Variants in ZNF761 observed in about 807,000 individuals in gnomAD.
ZNF761 encodes zinc finger protein 761.
A neutral mutation model predicts 59.9 loss-of-function variants in ZNF761; 43 were observed. That is an observed-to-expected ratio of 0.72 (90% CI 0.56 to 0.92). The LOEUF is 0.92. Among genes scored for constraint, ZNF761 ranks in the 40% least tolerant of loss-of-function variants. The pLI is 0.00. For missense variants in ZNF761, 850 were observed against 906.1 expected (o/e 0.94, Z 0.79); for synonymous variants, 294 against 304.8 (o/e 0.96, Z 0.37).
chr19:53,452,413 G>T (rs1181813202), intron 4 of ZNF761, among the ~76,000 whole-genome samples: 1 of 152,114 alleles, frequency 6.6e-6, no homozygotes. Context: ...AACCTGGGAG[G>T]TGGAGGTTGC....
At position 53,455,663 on chromosome 19, in the gene ZNF761, G is replaced by A. The variant is rs1336344471; in HGVS notation, c.1156G>A (p.Glu386Lys). 8 of 1,613,592 alleles carry A rather than the reference G, an allele frequency of 5.0e-6. No individual in the cohort carries two copies. In the East Asian group the frequency reaches 8.9e-5, roughly 18 times the overall value. The change falls in exon 5 of 5, where the codon GAG (glutamate) becomes AAG (lysine). Residue 386 changes from glutamate to lysine, a missense_variant. Coordinates refer to ENST00000684525, the MANE Select transcript of ZNF761 (RefSeq NM_001289951.2). ...HTGEKPYKCN[E>K]CGKTFSHKSS... ...TGGAGAGAAACCCTACAAATGTAAT[G>A]AGTGTGGCAAGACCTTTAGTCACAA...
intron 2 of ZNF761, among the ~76,000 whole-genome samples, chr19:53,446,959 C>T (rs1218264601): frequency 7.4e-6 from 1 of 135,050 alleles, no homozygotes; most frequent in Non-Finnish European, 1.6e-5. Flanking sequence ...TCTAGGGACC[C>T]AGGGCTGGGT....
rs769043804 is a variant in ZNF761 at position 53,456,473 on chromosome 19, C to A, written c.1966C>A (p.His656Asn). 2.5e-6 allele frequency: 4 copies of A among 1,613,856 alleles called. No individual in the cohort carries two copies. The Admixed American group carries it at 6.7e-5, about 27-fold the overall frequency. The change falls in exon 5 of 5, where the codon CAT becomes AAT. Residue 656 changes from histidine to asparagine, a missense_variant. Physicochemically the swap from His to Asn is moderately conservative, Grantham distance 68 (BLOSUM62 1). Transcript: ENST00000684525. ...KSNLEGHRRIHTGEKPYKCNE... is the reference protein window; with the variant it reads ...KSNLEGHRRINTGEKPYKCNE... ...AAACCTTGAAGGACATAGGAGAATT[C>A]ATACTGGAGAGAAACCTTACAAGTG...
chr19:53,433,028 G>A (rs77469212), intron 1 of ZNF761, among the ~76,000 whole-genome samples: 7,537 of 137,410 alleles, frequency 0.055, 213 homozygotes, highest in Middle Eastern at 0.14. Context: ...GATCTGGGGT[G>A]CTAGAGAGTG....
intron 1 of ZNF761, chr19:53,442,249 C>T (rs2086108628): frequency 7.8e-7 from 1 of 1,276,534 alleles, no homozygotes; most frequent in African/African-American, 1.4e-5. Context: ...GAAGAGGTGG[C>T]TCGTAAGTTG....
At chr19:53,437,567 G>T (rs11880076) in intron 1 of ZNF761, among the ~76,000 whole-genome samples, 2 of 152,170 alleles carry the variant, frequency 1.3e-5, no homozygotes, top group South Asian at 4.1e-4. Flanking sequence ...CATAGCTAAG[G>T]CTTCCTCTTT....
chr19:53,455,152 C>A lies in ZNF761; in HGVS notation c.645C>A (p.Phe215Leu), dbSNP rs770592412. 7.4e-6 allele frequency: 12 copies of A among 1,614,048 alleles called. No homozygotes were observed. Among genetic ancestry groups the A allele is most frequent in the Non-Finnish European group, 1.0e-5 (12 of 1,180,042 alleles). Reference sequence around the variant, plus strand: ...AAGTACACATGAGAGAAAAATCTTTCCAATGTAATGAGAGTGGCAAAGCCT... The same window carrying A: ...AAGTACACATGAGAGAAAAATCTTTACAATGTAATGAGAGTGGCAAAGCCT... ...KQEVHMREKSFQCNESGKAFN... is the reference protein window; with the variant it reads ...KQEVHMREKSLQCNESGKAFN... The change falls in exon 5 of 5, where the codon TTC becomes TTA. Residue 215 changes from phenylalanine to leucine, a missense_variant. Phe to Leu is a conservative substitution (Grantham distance 22, BLOSUM62 0). Coordinates refer to ENST00000684525, the MANE Select transcript of ZNF761 (RefSeq NM_001289951.2).
Position 53,456,807 on chromosome 19 carries a change from A to G in ZNF761, c.*59A>G, listed in dbSNP as rs2086276973. 2 of 1,560,272 alleles carry G rather than the reference A, an allele frequency of 1.3e-6. No homozygotes were observed. Among genetic ancestry groups the G allele is most frequent in the Non-Finnish European group, 1.8e-6 (2 of 1,136,598 alleles). ...CCTTGCAGGTCATCATAGAATTCAT[A>G]CTGGGGAGAAACCTTAGAAATGTGA... On this transcript the variant is annotated 3_prime_UTR_variant, in exon 5 of 5. Transcript: ENST00000684525.
At chr19:53,441,046 C>T (rs530313909) in intron 1 of ZNF761, among the ~76,000 whole-genome samples, 2 of 152,182 alleles carry the variant, frequency 1.3e-5, no homozygotes, top group African/African-American at 4.8e-5. Context: ...CTTTGGGAGA[C>T]AGAGGCGAGT....
chr19:53,455,075 A>G lies in ZNF761; in HGVS notation c.568A>G (p.Asn190Asp), dbSNP rs776458701. 1.2e-6 allele frequency: 2 copies of G among 1,614,042 alleles called. No homozygotes were observed. Among genetic ancestry groups the G allele is most frequent in the African/African-American group, 1.3e-5 (1 of 74,920 alleles). ...TTGTAGGCCCAAAACCCATATATCT[A>G]ATAACCATGGGAATAATTTCTGGAA... Reference protein sequence around the residue: ...ISCRPKTHISNNHGNNFWNSS... With the variant: ...ISCRPKTHISDNHGNNFWNSS... Residue 190 changes from asparagine (N) to aspartate (D), a missense_variant, in exon 5 of 5, where the codon AAT (asparagine) becomes GAT (aspartate). Asn to Asp is a conservative substitution (Grantham distance 23, BLOSUM62 1). Transcript: ENST00000684525.
chr19:53,432,961 A>T (rs2085988757), intron 1 of ZNF761, among the ~76,000 whole-genome samples: 1 of 151,566 alleles, frequency 6.6e-6, no homozygotes, highest in Non-Finnish European at 1.5e-5. Flanking sequence ...GACAGAGCAG[A>T]GTGGTGCTGG....
intron 4 of ZNF761, among the ~76,000 whole-genome samples, chr19:53,450,690 C>G (rs2086213998): frequency 6.6e-6 from 1 of 152,066 alleles, no homozygotes; most frequent in Admixed American, 6.6e-5. Context: ...CCGCAGCCAG[C>G]TCCGCCTCTC....
intron 4 of ZNF761, among the ~76,000 whole-genome samples, chr19:53,451,477 G>A (rs1210060294): frequency 6.6e-6 from 1 of 152,076 alleles, no homozygotes; most frequent in African/African-American, 2.4e-5. Context: ...CTAAACTGCT[G>A]GATTACAGGT....
intron 1 of ZNF761, among the ~76,000 whole-genome samples, chr19:53,433,761 A>G (rs1238703320): frequency 1.3e-5 from 2 of 152,170 alleles, no homozygotes; most frequent in Non-Finnish European, 2.9e-5. Flanking sequence ...GTAAGAGGTA[A>G]GGGAGTATCA....
At chr19:53,452,023 C>T (rs1031326655) in intron 4 of ZNF761, among the ~76,000 whole-genome samples, 8 of 152,192 alleles carry the variant, frequency 5.3e-5, no homozygotes, top group Non-Finnish European at 8.8e-5. Flanking sequence ...TGCTCCTGTT[C>T]CTGTCTCAGT....
intron 1 of ZNF761, among the ~76,000 whole-genome samples, chr19:53,437,913 G>A (rs1180160819): frequency 2.8e-5 from 4 of 143,832 alleles, no homozygotes; most frequent in East Asian, 2.0e-4. Context: ...CTGATGTTCC[G>A]GTAGGCAGAG....
chr19:53,444,184 C>T (rs2086129695), intron 1 of ZNF761: 1 of 152,184 alleles, frequency 6.6e-6, no homozygotes, highest in African/African-American at 2.4e-5. Context: ...GTCCCCCAGC[C>T]CAACACCCGT....
intron 3 of ZNF761, among the ~76,000 whole-genome samples, chr19:53,449,040 A>G (rs898764172): frequency 5.9e-5 from 9 of 152,168 alleles, no homozygotes; most frequent in Non-Finnish European, 1.3e-4. Flanking sequence ...TGTGTCAATA[A>G]AAGTTTCTGG....
At chr19:53,439,977 C>A (rs1285516934) in intron 1 of ZNF761, among the ~76,000 whole-genome samples, 2 of 152,104 alleles carry the variant, frequency 1.3e-5, no homozygotes, top group Non-Finnish European at 2.9e-5. Context: ...CTTTAGCTAA[C>A]TGAAATAATG....
Sources: allele counts gnomAD v4.1 joint callset (sites outside exome capture counted in the v4.1 genomes callset), GRCh38; gene constraint gnomAD v4.1.1; transcripts MANE v1.5; gene names NCBI Gene and HGNC (gene_info 2026-07-23, HGNC 2026-07-21).